The following MAP1B variants were observed in gnomAD, a reference collection of about 807,000 sequenced individuals.
The protein encoded by MAP1B is microtubule-associated protein 1B.
Under a neutral mutation model 176.1 loss-of-function variants are expected in MAP1B, and 12 were observed. The observed-to-expected ratio is 0.07, with a 90% CI of 0.04 to 0.11. The LOEUF is 0.11. MAP1B is among the 10% of genes least tolerant of loss of function. MAP1B has a pLI of 1.00. For missense variants in MAP1B, 2,523 were observed against 2,990.5 expected (o/e 0.84, Z 3.65); for synonymous variants, 1,044 against 1,135.0 (o/e 0.92, Z 1.61).
At chr5:72,149,386 AG>A (rs1286169390) in intron 2 of MAP1B, among the ~76,000 whole-genome samples, 1 of 152,222 alleles carries the variant, frequency 6.6e-6, no homozygotes, top group Non-Finnish European at 1.5e-5. Flanking sequence ...TAAACTTAGG[AG>A]GGGCGGTAAG....
chr5:72,132,321 C>A (rs1019185765), intron 2 of MAP1B, among the ~76,000 whole-genome samples: 2 of 152,104 alleles, frequency 1.3e-5, no homozygotes, highest in Non-Finnish European at 2.9e-5. Flanking sequence ...TGCTCTGAAC[C>A]CTTTCAGCCT....
At chr5:72,126,085 G>C (rs1181407623) in intron 2 of MAP1B, among the ~76,000 whole-genome samples, 1 of 152,172 alleles carries the variant, frequency 6.6e-6, no homozygotes, top group African/African-American at 2.4e-5. Flanking sequence ...GCTAGAATGG[G>C]TACTTTGGAG....
Position 72,161,342 on chromosome 5 carries a change from A to G in MAP1B, c.287-22401A>G, listed in dbSNP as rs1746321684. On this transcript the variant is annotated intron_variant, in intron 2 of 6. Coordinates refer to ENST00000296755, the MANE Select transcript of MAP1B (RefSeq NM_005909.5). ...GAAATGGAATCAATGTCATAATAAT[A>G]CTCAAACAATACATAATAAGCAGTC... Among the ~76,000 whole-genome samples the G allele has an allele frequency of 2.0e-5, 3 of 152,340 alleles. No homozygotes were observed. The South Asian group carries it at 6.2e-4, about 32-fold the overall frequency.
At chr5:72,117,259 G>A (rs898690667) in intron 2 of MAP1B, among the ~76,000 whole-genome samples, 13 of 152,098 alleles carry the variant, frequency 8.5e-5, no homozygotes, top group African/African-American at 2.7e-4. Flanking sequence ...TTTGTCTTGC[G>A]ATATCTCCGT....
chr5:72,203,916 G>A, intron 6 of MAP1B, 115 bp downstream of exon 6: 1 of 826,954 alleles, frequency 1.2e-6, no homozygotes, highest in East Asian at 2.5e-5. Context: ...CACATGAGGT[G>A]CCTCCTGTGT....
intron 2 of MAP1B, among the ~76,000 whole-genome samples, chr5:72,162,409 T>G (rs1746344292): frequency 6.6e-6 from 1 of 152,044 alleles, no homozygotes; most frequent in South Asian, 2.1e-4. Flanking sequence ...GCATCTTTTT[T>G]TTTTCTCCTT....
intron 2 of MAP1B, among the ~76,000 whole-genome samples, chr5:72,163,232 A>G (rs996482992): frequency 1.9e-4 from 28 of 150,698 alleles, no homozygotes; most frequent in Middle Eastern, 3.4e-3. Context: ...CATCTCAAAA[A>G]AAAAAAAAAA....
chr5:72,157,990 C>G (rs1193850266), intron 2 of MAP1B, among the ~76,000 whole-genome samples: 1 of 148,844 alleles, frequency 6.7e-6, no homozygotes, highest in Admixed American at 6.8e-5. Context: ...CAGGCATCTG[C>G]TACTACACCT....
At chr5:72,147,981 C>T (rs1746075776) in intron 2 of MAP1B, among the ~76,000 whole-genome samples, 2 of 152,088 alleles carry the variant, frequency 1.3e-5, no homozygotes, top group Admixed American at 1.3e-4. Flanking sequence ...TTTACTTACA[C>T]AGGAAAGAAA....
chr5:72,156,297 A>T (rs1415154433), intron 2 of MAP1B, among the ~76,000 whole-genome samples: 2 of 152,160 alleles, frequency 1.3e-5, no homozygotes, highest in African/African-American at 2.4e-5. Context: ...TATGTACTGA[A>T]TTTCTTAAGC....
chr5:72,172,819 CT>C (rs1257855989), intron 2 of MAP1B, among the ~76,000 whole-genome samples: 7 of 152,194 alleles, frequency 4.6e-5, no homozygotes, highest in African/African-American at 1.7e-4. Flanking sequence ...TATTCATCAT[CT>C]GTGTTTCTGG....
At chr5:72,139,434 C>A (rs1244375479) in intron 2 of MAP1B, among the ~76,000 whole-genome samples, 3 of 152,196 alleles carry the variant, frequency 2.0e-5, no homozygotes, top group Non-Finnish European at 4.4e-5. Context: ...TCTTCCAGGG[C>A]TGGATCGTTA....
rs1747138117 is a variant in MAP1B at position 72,195,512 on chromosome 5, G to A, written c.2157G>A (p.Lys719=). 6.3e-7 allele frequency: 1 copy of A among 1,585,742 alleles called. No homozygotes were observed. Among genetic ancestry groups the A allele is most frequent in the Non-Finnish European group, 8.5e-7 (1 of 1,173,184 alleles). Residue 719 remains lysine (K), a synonymous_variant, in exon 5 of 7, where the codon AAG becomes AAA. Transcript: ENST00000296755. ...VKKEVKKEEK[K]EVKKEEKEPK... ...AGGAAGTTAAGAAGGAAGAGAAGAAGGAAGTGAAAAAGGAAGAAAAGGAAC... is the reference window on the plus strand; with the variant it reads ...AGGAAGTTAAGAAGGAAGAGAAGAAAGAAGTGAAAAAGGAAGAAAAGGAAC...
intron 4 of MAP1B, chr5:72,193,360 T>TG (rs70999269): frequency 1.3e-5 from 4 of 296,952 alleles, no homozygotes; most frequent in African/African-American, 2.9e-5. Context: ...TTTTTTTTTT[T>TG]GCCAAGTCTA....
At position 72,195,450 on chromosome 5, in the gene MAP1B, G is replaced by C; in HGVS notation, c.2095G>C (p.Glu699Gln). ...KKEEKKEPKK[E>Q]VKKETPPKEV... ...AGAAGAGAAAAAAGAACCCAAGAAA[G>C]AGGTTAAGAAAGAAACACCGCCAAA... is the stretch of plus-strand genomic sequence containing the variant. Residue 699 changes from glutamate (E) to glutamine (Q), a missense_variant, in exon 5 of 7, where the codon GAG becomes CAG. Physicochemically the swap from Glu to Gln is conservative, Grantham distance 29. Around this residue, in one of 4 missense-constraint regions of MAP1B, gnomAD observed 1,925 missense variants for 2,126.0 expected, o/e 0.91. Transcript: ENST00000296755. The C allele has an allele frequency of 6.3e-7, 1 of 1,581,240 alleles. No individual in the cohort carries two copies. Among genetic ancestry groups the C allele is most frequent in the Non-Finnish European group, 8.6e-7 (1 of 1,166,702 alleles).
intron 2 of MAP1B, among the ~76,000 whole-genome samples, chr5:72,163,227 CAAAAAAAAAAAAAA>C: frequency 1.3e-5 from 1 of 78,138 alleles, no homozygotes; most frequent in South Asian, 5.3e-4. Flanking sequence ...GACTCCATCT[CAAAAAAAAAAAAAA>C]AAAAAAAGAA....
At chr5:72,155,321 C>T (rs776112669) in intron 2 of MAP1B, among the ~76,000 whole-genome samples, 2 of 152,066 alleles carry the variant, frequency 1.3e-5, no homozygotes, top group Non-Finnish European at 2.9e-5. Flanking sequence ...ACTGAGGAGC[C>T]ATTGGTGGTT....
In MAP1B at chr5:72,203,488, G is replaced by A. The variant is rs75518171; in HGVS notation, c.7013-75G>A. ...GATTGAATAGGGAAGGTGTGATTGA[G>A]TGGGGAACATGTGCTGGATGTATGG... On this transcript the variant is annotated intron_variant, in intron 5 of 6. Transcript: ENST00000296755. 2,526 of 1,045,072 alleles carry A rather than the reference G, an allele frequency of 2.4e-3. 84 individuals are homozygous for A. In the East Asian group the frequency reaches 0.054, roughly 22 times the overall value. 64.7% of individuals were successfully genotyped at this position (1,045,072 alleles called of 1,614,324 possible).
At position 72,205,901 on chromosome 5, in the gene MAP1B, T is replaced by G. The variant is rs959871651; in HGVS notation, c.*662T>G. ...GAACAACACTTGTTATGAGGGCATG[T>G]GATATTTTCACATCTTAATTAAGCT... On this transcript the variant is annotated 3_prime_UTR_variant, in exon 7 of 7. Transcript: ENST00000296755. 6.6e-6 allele frequency: 1 copy of G among 152,526 alleles called. No homozygotes were observed. The highest frequency in any genetic ancestry group is 1.5e-5 in the Non-Finnish European group (1 of 68,102). 9.4% of individuals were successfully genotyped at this position (152,526 alleles called of 1,614,324 possible).
Sources: allele counts gnomAD v4.1 joint callset (sites outside exome capture counted in the v4.1 genomes callset), GRCh38; gene constraint gnomAD v4.1.1; regional missense constraint gnomAD v4.1.1; transcripts MANE v1.5; gene names NCBI Gene and HGNC (gene_info 2026-07-23, HGNC 2026-07-21).